IQCH: variants seen among roughly 807,000 people sequenced by gnomAD.
IQCH encodes IQ domain-containing protein H.
In IQCH, 98 loss-of-function variants were observed where a neutral mutation model predicts 117.0. The observed-to-expected ratio is 0.84, with a 90% confidence interval of 0.71 to 0.99. The LOEUF (loss-of-function observed/expected upper bound fraction) is 0.99, where lower values mean the gene tolerates loss of function less well. IQCH is among the 50% of genes least tolerant of loss of function. The pLI, the probability that IQCH is intolerant of heterozygous loss-of-function variation, is 0.00. For synonymous variants in IQCH, 412 were observed against 448.2 expected (o/e 0.92, Z 1.02); for missense variants, 1,102 against 1,243.8 (o/e 0.89, Z 1.72).
intron 4 of IQCH, among the ~76,000 whole-genome samples, chr15:67,304,109 AT>A (rs989004918): frequency 6.6e-5 from 10 of 152,168 alleles, no homozygotes; most frequent in Admixed American, 3.9e-4. Flanking sequence ...CTGAGGATGT[AT>A]TTGTGGGAGC....
chr15:67,341,435 G>A (rs1377703232), intron 5 of IQCH, among the ~76,000 whole-genome samples: 1 of 152,094 alleles, frequency 6.6e-6, no homozygotes, highest in Non-Finnish European at 1.5e-5. Context: ...GCTGCCAACA[G>A]GGAATAACTT....
chr15:67,289,912 A>C (rs1966694354), intron 4 of IQCH, among the ~76,000 whole-genome samples: 1 of 152,094 alleles, frequency 6.6e-6, no homozygotes, highest in Non-Finnish European at 1.5e-5. Context: ...CATGTAACAA[A>C]GTTTGAGTCT....
chr15:67,474,252 G>A lies in IQCH; in HGVS notation c.2677-1444G>A, dbSNP rs1258879294. On this transcript the variant is annotated intron_variant, in intron 17 of 20. Transcript: ENST00000335894. This position sits in a 1 kb window ranked among gnomAD's most constrained non-coding sequence, Gnocchi z 4.1. The stretch of plus-strand genomic sequence containing the variant: ...ATGTCAGGTCACTACGATTCCTTAC[G>A]GCCAGCTCCAGACCAGCAGCACCTC... Among the ~76,000 whole-genome samples, 3 of 152,034 alleles carry A rather than the reference G, an allele frequency of 2.0e-5. No homozygotes were observed. Among genetic ancestry groups the A allele is most frequent in the Non-Finnish European group, 4.4e-5 (3 of 68,000 alleles).
chr15:67,375,000 A>G (rs529956495), intron 10 of IQCH, among the ~76,000 whole-genome samples: 12 of 152,300 alleles, frequency 7.9e-5, no homozygotes, highest in African/African-American at 2.9e-4. Context: ...CTTTACTCCT[A>G]TACTCCCACC....
intron 14 of IQCH, among the ~76,000 whole-genome samples, chr15:67,414,224 T>C (rs959977832): frequency 5.3e-5 from 8 of 152,258 alleles, no homozygotes; most frequent in African/African-American, 1.9e-4. Context: ...CTACGTCCTA[T>C]GTTTACCACC....
intron 16 of IQCH, among the ~76,000 whole-genome samples, chr15:67,450,582 C>T (rs2082499604): frequency 6.6e-6 from 1 of 152,130 alleles, no homozygotes. Flanking sequence ...CCCACTTGAT[C>T]ATGGTGGATA....
At position 67,400,167 on chromosome 15, in the gene IQCH, G is replaced by A. The variant is rs372815672; in HGVS notation, c.1959G>A (p.Trp653Ter). ...LITDHLQIQR[W>*]LFKMDSEFRG... is the part of the protein sequence containing the mutation. Reference sequence around the variant, plus strand: ...CTGATCACCTGCAAATACAGCGTTGGCTCTTTAAAATGGACTCTGAGTTCC... The same window carrying A: ...CTGATCACCTGCAAATACAGCGTTGACTCTTTAAAATGGACTCTGAGTTCC... Residue 653 changes from tryptophan to a stop codon, truncating the protein, a stop_gained, in exon 14 of 21, where the codon TGG (tryptophan) becomes TGA (stop). Transcript: ENST00000335894. LOFTEE classifies it high-confidence loss of function. 7 of 1,613,882 alleles carry A rather than the reference G, an allele frequency of 4.3e-6. No individual in the cohort carries two copies. The highest frequency in any genetic ancestry group is 5.9e-6 in the Non-Finnish European group (7 of 1,179,870).
At chr15:67,333,012 T>G (rs75521835) in intron 4 of IQCH, among the ~76,000 whole-genome samples, 2,279 of 152,324 alleles carry the variant, frequency 0.015, 55 homozygotes, top group African/African-American at 0.048. Context: ...TGGTGTCTGG[T>G]GAGGACCTGT....
intron 4 of IQCH, among the ~76,000 whole-genome samples, chr15:67,322,775 C>CA (rs1451806442): frequency 8.6e-6 from 1 of 116,742 alleles, no homozygotes; most frequent in African/African-American, 3.4e-5. Flanking sequence ...TCTCAGTGGA[C>CA]AGGGGATGTG....
At position 67,428,569 on chromosome 15, in the gene IQCH, G is replaced by A. The variant is rs375384659; in HGVS notation, c.2505+6992G>A. On this transcript the variant is annotated intron_variant, in intron 16 of 20. Transcript: ENST00000335894. ...CCAGGGTCCTTTTAAAAGAGAGGCA[G>A]GCCGGGTGCGGTGACTCACACCTGT... is the stretch of plus-strand genomic sequence containing the variant. 5.3e-5 allele frequency among the ~76,000 whole-genome samples: 8 copies of A among 152,268 alleles called. No homozygotes were observed. The East Asian group carries it at 1.5e-3, about 29-fold the overall frequency.
rs560057226 is a variant in IQCH, at chr15:67,344,204, T to C, written c.637+13T>C. ...ATTCCAACTGTAGGTAAGATACTCATGCATCTCAGTTCAGTTGGGGACACA... is the reference window on the plus strand; with the variant it reads ...ATTCCAACTGTAGGTAAGATACTCACGCATCTCAGTTCAGTTGGGGACACA... On this transcript the variant is annotated intron_variant, in intron 6 of 20. Coordinates refer to ENST00000335894, the MANE Select transcript of IQCH (RefSeq NM_001031715.3). 1.2e-6 allele frequency: 2 copies of C among 1,611,410 alleles called. No individual in the cohort carries two copies. Among genetic ancestry groups the C allele is most frequent in the South Asian group, 2.2e-5 (2 of 90,680 alleles).
chr15:67,438,215 A>G (rs2082185340), intron 16 of IQCH, among the ~76,000 whole-genome samples: 1 of 152,218 alleles, frequency 6.6e-6, no homozygotes, highest in Non-Finnish European at 1.5e-5. Context: ...CAGAAACCCT[A>G]CAAGCTAGAA....
intron 3 of IQCH, among the ~76,000 whole-genome samples, chr15:67,275,579 T>A (rs1319084305): frequency 2.0e-5 from 3 of 152,260 alleles, no homozygotes; most frequent in Non-Finnish European, 2.9e-5. Context: ...TATGAAAAAA[T>A]TTAAATTATT....
At chr15:67,272,619 G>T (rs1170078436) in intron 3 of IQCH, among the ~76,000 whole-genome samples, 1 of 152,178 alleles carries the variant, frequency 6.6e-6, no homozygotes, top group Non-Finnish European at 1.5e-5. Context: ...AATGTTGCGT[G>T]CATAGACACT....
At chr15:67,303,705 A>G (rs2140537612) in intron 4 of IQCH, among the ~76,000 whole-genome samples, 1 of 152,234 alleles carries the variant, frequency 6.6e-6, no homozygotes, top group South Asian at 2.1e-4. Flanking sequence ...TGCCACCACC[A>G]CTATGTGGCC....
intron 16 of IQCH, among the ~76,000 whole-genome samples, chr15:67,462,780 A>AAAC (rs1352973673): frequency 6.6e-6 from 1 of 151,884 alleles, no homozygotes; most frequent in African/African-American, 2.4e-5. Flanking sequence ...CAAAATAGAA[A>AAAC]CTCTGAAAAA....
rs1380945012 is a variant in IQCH, at chr15:67,426,563, A to T, written c.2505+4986A>T. On this transcript the variant is annotated intron_variant, in intron 16 of 20. Coordinates refer to ENST00000335894, the MANE Select transcript of IQCH (RefSeq NM_001031715.3). The surrounding 1 kb of genome is among the most constrained non-coding windows in gnomAD (Gnocchi z 5.1). ...ATTACATATCAATAAAAAATACCAAAAAAAAACCCAACCTCATACTCATTA... is the reference window on the plus strand; with the variant it reads ...ATTACATATCAATAAAAAATACCAATAAAAAACCCAACCTCATACTCATTA... 1.3e-5 allele frequency among the ~76,000 whole-genome samples: 2 copies of T among 152,092 alleles called. No individual in the cohort carries two copies. Among genetic ancestry groups the T allele is most frequent in the African/African-American group, 4.8e-5 (2 of 41,416 alleles).
At position 67,416,004 on chromosome 15, in the gene IQCH, A is replaced by G. The variant is rs1218407618; in HGVS notation, c.2098-927A>G. ...TTTGAACCCAGGAGACTGAGGCTGC[A>G]GTGAGCTATGATCACACCACTGTAC... On this transcript the variant is annotated intron_variant, in intron 14 of 20. Transcript: ENST00000335894. The surrounding 1 kb of genome is among the most constrained non-coding windows in gnomAD (Gnocchi z 5.1). Among the ~76,000 whole-genome samples the G allele has an allele frequency of 6.6e-6, 1 of 152,206 alleles. No homozygotes were observed. The highest frequency in any genetic ancestry group is 1.5e-5 in the Non-Finnish European group (1 of 68,042).
Position 67,366,302 on chromosome 15 carries a change from C to A in IQCH, c.754-5809C>A, listed in dbSNP as rs1049337030. Among the ~76,000 whole-genome samples the A allele has an allele frequency of 1.3e-5, 2 of 152,140 alleles. No individual in the cohort carries two copies. The highest frequency in any genetic ancestry group is 1.5e-5 in the Non-Finnish European group (1 of 68,018). On this transcript the variant is annotated intron_variant, in intron 8 of 20. Transcript: ENST00000335894. This position sits in a 1 kb window ranked among gnomAD's most constrained non-coding sequence, Gnocchi z 4.4. Reference sequence around the variant, plus strand: ...TTCTCAGAGAATATTAGAGGTATAACAGAAAAGATGAAATCAATGCAGCAG... The same window carrying A: ...TTCTCAGAGAATATTAGAGGTATAAAAGAAAAGATGAAATCAATGCAGCAG...
Sources: allele counts gnomAD v4.1 joint callset (sites outside exome capture counted in the v4.1 genomes callset), GRCh38; gene constraint gnomAD v4.1.1; non-coding constraint Gnocchi (gnomAD v3.1); transcripts MANE v1.5; gene names NCBI Gene and HGNC (gene_info 2026-07-23, HGNC 2026-07-21).